Variants in USP8 observed in about 807,000 individuals in gnomAD.
USP8 encodes the protein ubiquitin carboxyl-terminal hydrolase 8.
A neutral mutation model predicts 130.0 loss-of-function variants in USP8; 27 were observed. That is an observed-to-expected ratio of 0.21 (90% CI 0.15 to 0.29). The LOEUF (loss-of-function observed/expected upper bound fraction) is 0.29, where lower values mean the gene tolerates loss of function less well. USP8 is among the 10% of genes least tolerant of loss of function. USP8 has a pLI of 1.00. For synonymous variants in USP8, 392 were observed against 444.1 expected (o/e 0.88, Z 1.48); for missense variants, 1,029 against 1,312.2 (o/e 0.78, Z 3.33).
At chr15:50,447,656 G>A (rs568898628) in intron 3 of USP8, among the ~76,000 whole-genome samples, 189 of 151,840 alleles carry the variant, frequency 1.2e-3, no homozygotes, top group Non-Finnish European at 1.9e-3. Context: ...TCTGCCTCCC[G>A]GGTTCAGGTG....
chr15:50,458,530 A>G (rs1281343618), intron 4 of USP8: 1 of 163,798 alleles, frequency 6.1e-6, no homozygotes, highest in African/African-American at 2.4e-5. Flanking sequence ...AACTGCCAAC[A>G]AGTTGGAAAT....
intron 1 of USP8, among the ~76,000 whole-genome samples, chr15:50,424,853 A>G (rs536276763): frequency 1.4e-3 from 207 of 148,928 alleles, no homozygotes; most frequent in Admixed American, 5.0e-3. Context: ...CAATCTGCCT[A>G]CAATCCCAGG....
rs756297512 is a variant in USP8 at position 50,481,773 on chromosome 15, A to C, written c.1511A>C (p.Lys504Thr). The change falls in exon 11 of 20, where the codon AAA becomes ACA. Residue 504 changes from lysine (K) to threonine (T), a missense_variant. This residue lies in a region of USP8 where 486 missense variants were observed against 522.0 expected (regional missense o/e 0.93). Transcript: ENST00000307179. ...LRKEEQEQKA[K>T]KKQEAEENEI... ...AAGGAAGAACAAGAACAAAAAGCCA[A>C]AAAGAAACAAGAAGCTGAAGAAAAT... 2 of 1,565,674 alleles carry C rather than the reference A, an allele frequency of 1.3e-6. No homozygotes were observed. The highest frequency in any genetic ancestry group is 1.2e-5 in the South Asian group (1 of 82,690).
In USP8 at chr15:50,500,605, A is replaced by G; in HGVS notation, c.*1517A>G. 1 of 596,694 alleles carries G rather than the reference A, an allele frequency of 1.7e-6. No homozygotes were observed. The highest frequency in any genetic ancestry group is 2.1e-5 in the South Asian group (1 of 47,264). The allele number at this position is 596,694 out of a possible 1,614,324, so 37.0% of individuals were successfully genotyped here. A position where few individuals can be genotyped will look rare whatever the true frequency, so the allele number is the denominator to read the frequency against. On this transcript the variant is annotated 3_prime_UTR_variant, in exon 20 of 20. Coordinates refer to ENST00000307179, the MANE Select transcript of USP8 (RefSeq NM_005154.5). ...TGACCAAGCAAAACTCTACCACCAG[A>G]TGCTGACTGCTTGTTTTGCAGTGTT...
rs2141317168 is a variant in USP8, at chr15:50,490,270, A to G, written c.1979A>G (p.Asp660Gly). 6.2e-7 allele frequency: 1 copy of G among 1,602,440 alleles called. No homozygotes were observed. ...GLPSGWAKFL[D>G]PITGTFRYYH... ...TTTTCTTTTCCATCTAAGTTTCTTGACCCAATCACTGGAACCTTTCGTTAT... is the reference window on the plus strand; with the variant it reads ...TTTTCTTTTCCATCTAAGTTTCTTGGCCCAATCACTGGAACCTTTCGTTAT... Residue 660 changes from aspartate (D) to glycine (G), a missense_variant, in exon 14 of 20, where the codon GAC becomes GGC. Asp to Gly is a moderately conservative substitution (Grantham distance 94). This residue lies in a region of USP8 where 486 missense variants were observed against 522.0 expected (regional missense o/e 0.93). Coordinates refer to ENST00000307179, the MANE Select transcript of USP8 (RefSeq NM_005154.5).
rs1387290551 is a variant in USP8, at chr15:50,439,198, G to A, written c.104+21G>A. The A allele has an allele frequency of 2.3e-6, 3 of 1,332,976 alleles. No individual in the cohort carries two copies. In the African/African-American group the frequency reaches 4.6e-5, roughly 20 times the overall value. 82.6% of individuals were successfully genotyped at this position (1,332,976 alleles called of 1,614,324 possible). On this transcript the variant is annotated intron_variant, in intron 2 of 19. Transcript: ENST00000307179. ...AAGAGGTATGATGTATCCTTCGCTA[G>A]TTTGATTGAATCAAATATTAATTTT...
chr15:50,490,856 T>C (rs1295826957), intron 14 of USP8, among the ~76,000 whole-genome samples: 1 of 152,188 alleles, frequency 6.6e-6, no homozygotes, highest in African/African-American at 2.4e-5. Flanking sequence ...TTGAGGACCA[T>C]AATTTTCAGC....
rs547594270 is a variant in USP8 at position 50,512,324 on chromosome 15, T to C, written c.*13236T>C. 6 of 148,478 alleles carry C rather than the reference T, an allele frequency of 4.0e-5. No homozygotes were observed. The highest frequency in any genetic ancestry group is 4.0e-4 in the Admixed American group (6 of 15,064). The allele number at this position is 148,478 out of a possible 1,614,324, so 9.2% of individuals were successfully genotyped here. On this transcript the variant is annotated 3_prime_UTR_variant, in exon 20 of 20. Coordinates refer to ENST00000307179, the MANE Select transcript of USP8 (RefSeq NM_005154.5). ...GCCTGGGCAACAGAGCAAGACTCTG[T>C]TAAAAAAAAAAAAAATAGCGAGAGA...
chr15:50,441,878 G>C (rs148487952), intron 3 of USP8, among the ~76,000 whole-genome samples: 334 of 144,778 alleles, frequency 2.3e-3, no homozygotes, highest in Non-Finnish European at 2.7e-3. Flanking sequence ...TTAGTCTCTT[G>C]TTTTTATGTG....
intron 1 of USP8, among the ~76,000 whole-genome samples, chr15:50,435,972 C>T (rs2050079150): frequency 6.6e-6 from 1 of 152,132 alleles, no homozygotes; most frequent in Non-Finnish European, 1.5e-5. Flanking sequence ...TTCCTCTATT[C>T]CATCTCTACT....
At chr15:50,459,625 A>G (rs1451167453) in intron 5 of USP8, among the ~76,000 whole-genome samples, 1 of 152,192 alleles carries the variant, frequency 6.6e-6, no homozygotes, top group Non-Finnish European at 1.5e-5. Flanking sequence ...TTCTAGCCTC[A>G]GTTGACTTCA....
At chr15:50,494,431 T>A in intron 16 of USP8, 151 bp downstream of exon 16, 1 of 654,092 alleles carries the variant, frequency 1.5e-6, no homozygotes, top group Non-Finnish European at 2.4e-6. Context: ...AAACATCAGG[T>A]AAGTGTAATA....
At chr15:50,430,097 C>T (rs961556859) in intron 1 of USP8, among the ~76,000 whole-genome samples, 1 of 152,144 alleles carries the variant, frequency 6.6e-6, no homozygotes, top group African/African-American at 2.4e-5. Context: ...TTTTAAGAGG[C>T]AGAAACTTTA....
rs2052715542 is a variant in USP8, at chr15:50,509,885, G to T, written c.*10797G>T. On this transcript the variant is annotated 3_prime_UTR_variant, in exon 20 of 20. Coordinates refer to ENST00000307179, the MANE Select transcript of USP8 (RefSeq NM_005154.5). The stretch of plus-strand genomic sequence containing the variant: ...TATATTTTTTACAGAAATTGACAAG[G>T]GCCAGGAATAATCGAAATACTACTG... 6.6e-6 allele frequency: 1 copy of T among 151,960 alleles called. No homozygotes were observed. The highest frequency in any genetic ancestry group is 1.5e-5 in the Non-Finnish European group (1 of 68,004). The allele number at this position is 151,960 out of a possible 1,614,324, so 9.4% of individuals were successfully genotyped here. A position where few individuals can be genotyped will look rare whatever the true frequency, so the allele number is the denominator to read the frequency against.
intron 4 of USP8, among the ~76,000 whole-genome samples, chr15:50,449,775 G>T (rs1401623103): frequency 6.6e-6 from 1 of 151,138 alleles, no homozygotes; most frequent in Non-Finnish European, 1.5e-5. Flanking sequence ...TAGAGACAGG[G>T]TTTCACCATG....
chr15:50,482,212 CATCTAT>C (rs2051800585), intron 11 of USP8, 147 bp downstream of exon 11: 2 of 670,642 alleles, frequency 3.0e-6, no homozygotes, highest in Non-Finnish European at 4.3e-6. Context: ...CACATTTGCT[CATCTAT>C]TCTCCTTTGA....
chr15:50,454,966 G>T (rs1411180958), intron 4 of USP8, among the ~76,000 whole-genome samples: 5 of 151,746 alleles, frequency 3.3e-5, no homozygotes, highest in African/African-American at 9.7e-5. Context: ...ATAGAGATGG[G>T]GTCTTTCTGT....
Position 50,499,096 on chromosome 15 carries a change from T to C in USP8, c.*8T>C, listed in dbSNP as rs1465557592. On this transcript the variant is annotated 3_prime_UTR_variant, in exon 20 of 20. Coordinates refer to ENST00000307179, the MANE Select transcript of USP8 (RefSeq NM_005154.5). ...ACTGATGTAGCCACATAAGGAGACATAGGTTATAAACTAGTTATCTTTTAA... is the reference window on the plus strand; with the variant it reads ...ACTGATGTAGCCACATAAGGAGACACAGGTTATAAACTAGTTATCTTTTAA... 6 of 1,587,758 alleles carry C rather than the reference T, an allele frequency of 3.8e-6. No homozygotes were observed. The African/African-American group carries it at 6.8e-5, about 18-fold the overall frequency.
At chr15:50,440,522 G>A (rs965148579) in intron 2 of USP8, among the ~76,000 whole-genome samples, 8 of 152,108 alleles carry the variant, frequency 5.3e-5, no homozygotes, top group African/African-American at 1.9e-4. Flanking sequence ...TGAGTCAAGT[G>A]CACTACATTT....
Sources: gnomAD v4.1 joint callset for allele counts (sites outside exome capture counted in the v4.1 genomes callset) on GRCh38, gnomAD v4.1.1 for gene constraint, gnomAD v4.1.1 regional missense constraint, MANE v1.5 for transcripts, NCBI Gene and HGNC (gene_info 2026-07-23, HGNC 2026-07-21) for gene names.